LRCH2: variants seen among roughly 807,000 people sequenced by gnomAD.
The protein encoded by LRCH2 is leucine rich repeats and calponin homology domain containing 2.
LRCH2 carries 38 observed loss-of-function variants against 68.9 expected under a neutral mutation model. That is an observed-to-expected ratio of 0.55 (90% CI 0.43 to 0.72). LRCH2 has a LOEUF of 0.72. Among genes scored for constraint, LRCH2 ranks in the 30% least tolerant of loss-of-function variants. The pLI is 0.00. For synonymous variants in LRCH2, 191 were observed against 208.1 expected, an observed-to-expected ratio of 0.92 and a Z score of 0.71; for missense variants, 528 against 572.9, an observed-to-expected ratio of 0.92 and a Z score of 0.80.
At chrX:115,204,443 C>A (rs781881219) in intron 1 of LRCH2, among the ~76,000 whole-genome samples, 59 of 113,181 alleles carry the variant, frequency 5.2e-4, no homozygotes, top group Admixed American at 2.2e-3. Flanking sequence ...ACCATATAGG[C>A]TGCAGATTTT....
intron 5 of LRCH2, among the ~76,000 whole-genome samples, chrX:115,172,122 T>A (rs1556547716): frequency 9.0e-6 from 1 of 111,614 alleles, no homozygotes; most frequent in African/African-American, 3.3e-5. Context: ...TATTGGAGTA[T>A]CACTAAGGAA....
intron 1 of LRCH2, among the ~76,000 whole-genome samples, chrX:115,222,086 T>G (rs868907781): frequency 9.0e-6 from 1 of 111,546 alleles, no homozygotes; most frequent in Admixed American, 9.5e-5. Context: ...GAATGCAAAG[T>G]GGGGTCATCT....
chrX:115,172,119 G>T (rs781925832), intron 5 of LRCH2, among the ~76,000 whole-genome samples: 31 of 111,442 alleles, frequency 2.8e-4, no homozygotes, highest in Middle Eastern at 9.4e-3. Flanking sequence ...ATTTATTGGA[G>T]TATCACTAAG....
At chrX:115,133,511 A>G (rs868969683) in intron 14 of LRCH2, among the ~76,000 whole-genome samples, 34 of 112,229 alleles carry the variant, frequency 3.0e-4, no homozygotes, top group African/African-American at 1.1e-3. Context: ...GTGCAGAAAA[A>G]GTTTGTGGCA....
chrX:115,144,621 C>T (rs1249828070), intron 14 of LRCH2, among the ~76,000 whole-genome samples: 2 of 107,905 alleles, frequency 1.9e-5, no homozygotes, highest in African/African-American at 6.8e-5. Context: ...ACAAAATCAA[C>T]ATACAAAAGT....
At chrX:115,151,849 A>G (rs1210125869) in intron 12 of LRCH2, among the ~76,000 whole-genome samples, 1 of 111,110 alleles carries the variant, frequency 9.0e-6, no homozygotes, top group East Asian at 2.8e-4. Flanking sequence ...CCAGGAGAAA[A>G]AAACTAAGGC....
At position 115,179,576 on chromosome X, in the gene LRCH2, G is replaced by A; in HGVS notation, c.728-13C>T. On this transcript the variant is annotated splice_polypyrimidine_tract_variant and intron_variant, in intron 4 of 20. Coordinates refer to ENST00000317135, the MANE Select transcript of LRCH2 (RefSeq NM_020871.4). ...AGGTCTCCTAATTCTGGTCAGAAAT[G>A]AAAAATAATTAATTAAATTTTACAT... The A allele has an allele frequency of 9.1e-7, 1 of 1,104,215 alleles. No homozygotes were observed. Among genetic ancestry groups the A allele is most frequent in the Non-Finnish European group, 1.2e-6 (1 of 844,557 alleles). The allele number at this position is 1,104,215 out of a possible 1,213,427, so 91.0% of individuals were successfully genotyped here.
intron 11 of LRCH2, among the ~76,000 whole-genome samples, chrX:115,161,982 T>C (rs1228942953): frequency 2.1e-5 from 2 of 95,917 alleles, no homozygotes; most frequent in East Asian, 3.8e-4. Flanking sequence ...TGCAGTGGCA[T>C]GATCTTGGCT....
chrX:115,168,630 A>G (rs782557084), intron 6 of LRCH2, among the ~76,000 whole-genome samples: 54 of 111,040 alleles, frequency 4.9e-4, no homozygotes, highest in Non-Finnish European at 9.6e-4. Context: ...GTCCTGCTAG[A>G]GAATATCTCC....
intron 6 of LRCH2, among the ~76,000 whole-genome samples, chrX:115,169,300 T>C (rs1482464067): frequency 1.8e-5 from 2 of 111,978 alleles, no homozygotes; most frequent in Non-Finnish European, 3.8e-5. Flanking sequence ...GGCATTCAAC[T>C]GATATTTGTA....
In LRCH2 at chrX:115,165,879, T is replaced by A; in HGVS notation, c.1160A>T (p.Asp387Val). Residue 387 changes from aspartate to valine, a missense_variant, in exon 8 of 21, where the codon GAC becomes GTC. By Grantham distance (152) the Asp-to-Val change is radical. Coordinates refer to ENST00000317135, the MANE Select transcript of LRCH2 (RefSeq NM_020871.4). ...ESNREQTSRN[D>V]SHIIGSKTDS... is the part of the protein sequence containing the mutation. Reference sequence around the variant, plus strand: ...AGTCTTACTTCCTATTATGTGACTGTCATTTCTTGATGTCTGCTCTCTATT... The same window carrying A: ...AGTCTTACTTCCTATTATGTGACTGACATTTCTTGATGTCTGCTCTCTATT... 8.6e-7 allele frequency: 1 copy of A among 1,165,215 alleles called. No individual in the cohort carries two copies. Among genetic ancestry groups the A allele is most frequent in the Non-Finnish European group, 1.1e-6 (1 of 869,653 alleles).
At chrX:115,209,124 G>T (rs2072989031) in intron 1 of LRCH2, among the ~76,000 whole-genome samples, 1 of 112,517 alleles carries the variant, frequency 8.9e-6, no homozygotes, top group Non-Finnish European at 1.9e-5. Context: ...AATAACCTAA[G>T]TGGAATTGAG....
chrX:115,224,170 T>C (rs2073103541), intron 1 of LRCH2, among the ~76,000 whole-genome samples: 1 of 111,518 alleles, frequency 9.0e-6, no homozygotes, highest in Admixed American at 9.5e-5. Flanking sequence ...GGTAAATCTA[T>C]AGAGACAGAA....
intron 15 of LRCH2, among the ~76,000 whole-genome samples, chrX:115,127,352 T>C (rs963280302): frequency 8.9e-6 from 1 of 111,891 alleles, no homozygotes; most frequent in African/African-American, 3.2e-5. Flanking sequence ...AAATGGTCCA[T>C]GATTTTTAAA....
intron 20 of LRCH2, among the ~76,000 whole-genome samples, chrX:115,114,276 A>T (rs1556523480): frequency 1.8e-5 from 2 of 111,520 alleles, no homozygotes; most frequent in African/African-American, 6.5e-5. Flanking sequence ...ATGGTATCCC[A>T]TAAAGAGTTC....
chrX:115,200,524 A>C (rs374528917), intron 1 of LRCH2, among the ~76,000 whole-genome samples: 1 of 110,906 alleles, frequency 9.0e-6, no homozygotes, highest in East Asian at 2.8e-4. Context: ...AAACAAGAAA[A>C]CCTAGAGGAA....
intron 3 of LRCH2, among the ~76,000 whole-genome samples, chrX:115,183,290 T>G (rs1231761563): frequency 8.9e-6 from 1 of 111,913 alleles, no homozygotes; most frequent in African/African-American, 3.3e-5. Context: ...TTCCTGAAAT[T>G]TCTGCTCATT....
intron 1 of LRCH2, among the ~76,000 whole-genome samples, chrX:115,207,855 T>C (rs1166311357): frequency 8.9e-6 from 1 of 111,941 alleles, no homozygotes; most frequent in Non-Finnish European, 1.9e-5. Context: ...ATCATCCATG[T>C]GGACCCTAAA....
At chrX:115,178,577 T>C (rs1387488578) in intron 5 of LRCH2, among the ~76,000 whole-genome samples, 2 of 112,019 alleles carry the variant, frequency 1.8e-5, no homozygotes, top group Non-Finnish European at 3.8e-5. Flanking sequence ...TTTGACGCTG[T>C]AAATCAACTT....
Sources: gnomAD v4.1 joint callset for allele counts (sites outside exome capture counted in the v4.1 genomes callset) on GRCh38, gnomAD v4.1.1 for gene constraint, MANE v1.5 for transcripts, NCBI Gene and HGNC (gene_info 2026-07-23, HGNC 2026-07-21) for gene names.